The following TMEM108 variants were observed in gnomAD, a reference collection of about 807,000 sequenced individuals.
TMEM108 encodes transmembrane protein 108.
Under a neutral mutation model 35.1 loss-of-function variants are expected in TMEM108, and 12 were observed. That is an observed-to-expected ratio of 0.34 (90% CI 0.22 to 0.55). The LOEUF (loss-of-function observed/expected upper bound fraction) is 0.55. Ranked by LOEUF, TMEM108 falls within the 20% of genes least tolerant of loss-of-function variation. TMEM108 has a pLI of 0.89. For synonymous variants in TMEM108, 287 were observed against 308.6 expected (o/e 0.93, Z 0.73); for missense variants, 680 against 753.3 (o/e 0.90, Z 1.14).
intron 2 of TMEM108, among the ~76,000 whole-genome samples, chr3:133,124,236 G>A (rs553333450): frequency 7.2e-5 from 11 of 152,226 alleles, no homozygotes; most frequent in East Asian, 3.9e-4. Context: ...CAAAATAACC[G>A]AAATGAAGAA....
intron 2 of TMEM108, among the ~76,000 whole-genome samples, chr3:133,090,645 T>G (rs1186570241): frequency 6.6e-6 from 1 of 152,232 alleles, no homozygotes; most frequent in Non-Finnish European, 1.5e-5. Context: ...GGCGCATTTT[T>G]AAGAGTGGGG....
chr3:133,258,597 G>A (rs1257970148), intron 3 of TMEM108, among the ~76,000 whole-genome samples: 1 of 152,196 alleles, frequency 6.6e-6, no homozygotes, highest in Non-Finnish European at 1.5e-5. Context: ...GGGCAGAGAG[G>A]TGCATTCCCT....
chr3:133,284,241 C>T lies in TMEM108; in HGVS notation c.40+54890C>T, dbSNP rs191836735. 1.4e-4 allele frequency among the ~76,000 whole-genome samples: 21 copies of T among 152,344 alleles called. 1 individual carries two copies. Among genetic ancestry groups the T allele is most frequent in the African/African-American group, 5.0e-4 (21 of 41,588 alleles). On this transcript the variant is annotated intron_variant, in intron 3 of 5. Coordinates refer to ENST00000321871, the MANE Select transcript of TMEM108 (RefSeq NM_023943.4). The stretch of plus-strand genomic sequence containing the variant: ...TTCCAGCCATTTCTATTGCTCAGCT[C>T]TTGACACTACCTTCAGTCTCTGTCA...
At chr3:133,047,623 T>A (rs9849206) in intron 2 of TMEM108, among the ~76,000 whole-genome samples, 60,950 of 152,006 alleles carry the variant, frequency 0.4, 12,802 homozygotes, top group Admixed American at 0.5. Flanking sequence ...TCCCTCCCTG[T>A]TTGTGACAAT....
At chr3:133,242,026 C>T (rs776810925) in intron 3 of TMEM108, among the ~76,000 whole-genome samples, 1 of 152,116 alleles carries the variant, frequency 6.6e-6, no homozygotes, top group Non-Finnish European at 1.5e-5. Context: ...GGGGAGGCCA[C>T]ACTCTCTCTG....
rs141494146 is a variant in TMEM108 at position 133,380,971 on chromosome 3, A to G, written c.1260A>G (p.Thr420=). The stretch of plus-strand genomic sequence containing the variant: ...ACCGGGTGCCCAGTCCTCTCTCCAC[A>G]GTGGTATCCACAGCCACAGGCAATT... ...MTDRVPSPLS[T]VVSTATGNFL... Residue 420 remains threonine, a synonymous_variant, in exon 4 of 6, where the codon ACA becomes ACG. Coordinates refer to ENST00000321871, the MANE Select transcript of TMEM108 (RefSeq NM_023943.4). This position sits in a 1 kb window ranked among gnomAD's most constrained non-coding sequence, Gnocchi z 5.3. 142 of 1,614,092 alleles carry G rather than the reference A, an allele frequency of 8.8e-5. No homozygotes were observed. Among genetic ancestry groups the G allele is most frequent in the Non-Finnish European group, 1.2e-4 (136 of 1,180,032 alleles).
chr3:133,385,097 A>C (rs959772500), intron 4 of TMEM108, among the ~76,000 whole-genome samples: 3 of 152,188 alleles, frequency 2.0e-5, no homozygotes, highest in African/African-American at 7.2e-5. Flanking sequence ...ACCTGAATGT[A>C]TATGTGTGCC....
At chr3:133,197,568 T>A (rs986634548) in intron 2 of TMEM108, among the ~76,000 whole-genome samples, 15 of 152,162 alleles carry the variant, frequency 9.9e-5, no homozygotes, top group Admixed American at 2.0e-4. Context: ...GGATATTAAC[T>A]CCCTGTATTT....
chr3:133,198,341 A>C (rs77040668), intron 2 of TMEM108, among the ~76,000 whole-genome samples: 2 of 151,646 alleles, frequency 1.3e-5, no homozygotes, highest in Non-Finnish European at 2.9e-5. Flanking sequence ...CTTTGGGAGA[A>C]GCTTTCTTTA....
intron 2 of TMEM108, among the ~76,000 whole-genome samples, chr3:133,222,673 A>G (rs1946009902): frequency 6.6e-6 from 1 of 151,514 alleles, no homozygotes; most frequent in South Asian, 2.1e-4. Flanking sequence ...CTTCTATTGC[A>G]TTTTTCATTT....
At chr3:133,233,604 G>A (rs1039583298) in intron 3 of TMEM108, among the ~76,000 whole-genome samples, 3 of 151,378 alleles carry the variant, frequency 2.0e-5, no homozygotes, top group African/African-American at 7.3e-5. Context: ...AGATCCCTGA[G>A]GAATTGCCAC....
intron 2 of TMEM108, among the ~76,000 whole-genome samples, chr3:133,124,028 C>T (rs1559839600): frequency 2.6e-5 from 4 of 152,190 alleles, no homozygotes; most frequent in Non-Finnish European, 4.4e-5. Context: ...ATCCTATCAG[C>T]AGAGCAAGCC....
At position 133,191,926 on chromosome 3, in the gene TMEM108, C is replaced by G. The variant is rs151022418; in HGVS notation, c.-46-37340C>G. Among the ~76,000 whole-genome samples, 420 of 152,280 alleles carry G rather than the reference C, an allele frequency of 2.8e-3. 2 individuals carry two copies. Among genetic ancestry groups the G allele is most frequent in the African/African-American group, 9.6e-3 (399 of 41,558 alleles). ...AAACCTGATTACTGATGCACCCAGA[C>G]TGCTTGAATATGTCTCTGTGGTGCT... On this transcript the variant is annotated intron_variant, in intron 2 of 5. Coordinates refer to ENST00000321871, the MANE Select transcript of TMEM108 (RefSeq NM_023943.4).
chr3:133,380,642 C>G lies in TMEM108; in HGVS notation c.931C>G (p.Gln311Glu), dbSNP rs1368362061. The change falls in exon 4 of 6, where the codon CAA becomes GAA. Residue 311 changes from glutamine (Q) to glutamate (E), a missense_variant. By Grantham distance (29) the Gln-to-Glu change is conservative (BLOSUM62 2). This residue lies in a region of TMEM108 where 526 missense variants were observed against 532.1 expected (regional missense o/e 0.99). Transcript: ENST00000321871. The surrounding 1 kb of genome is among the most constrained non-coding windows in gnomAD (Gnocchi z 5.3). ...AGCCTCAGGTGCCCCTGTCAGTCCA[C>G]AAGCTGCCCCAGTGCCTTCTCAGCG... Reference protein sequence around the residue: ...TAASGAPVSPQAAPVPSQRPH... With the variant: ...TAASGAPVSPEAAPVPSQRPH... The G allele has an allele frequency of 1.2e-6, 2 of 1,613,924 alleles. No homozygotes were observed. The highest frequency in any genetic ancestry group is 1.7e-6 in the Non-Finnish European group (2 of 1,179,936).
intron 4 of TMEM108, chr3:133,389,019 C>A: frequency 1.0e-6 from 1 of 985,680 alleles, no homozygotes; most frequent in African/African-American, 1.7e-5. Context: ...GGCTTCAGCT[C>A]TCCTCATCCC....
chr3:133,392,663 C>T (rs529044075), intron 5 of TMEM108, among the ~76,000 whole-genome samples: 2 of 152,102 alleles, frequency 1.3e-5, no homozygotes, highest in Non-Finnish European at 2.9e-5. Flanking sequence ...ACCCCAAAAC[C>T]CAAACCTCAC....
chr3:133,298,424 G>A (rs969671186), intron 3 of TMEM108, among the ~76,000 whole-genome samples: 7 of 152,030 alleles, frequency 4.6e-5, no homozygotes, highest in African/African-American at 1.7e-4. Context: ...ATACAACTAT[G>A]TTTATTTCAT....
intron 3 of TMEM108, among the ~76,000 whole-genome samples, chr3:133,290,038 C>T (rs574330482): frequency 6.6e-6 from 1 of 152,138 alleles, no homozygotes; most frequent in Non-Finnish European, 1.5e-5. Context: ...GAGTCCCTGC[C>T]CCGATGAGTC....
At chr3:133,334,728 TA>T (rs1356686941) in intron 3 of TMEM108, among the ~76,000 whole-genome samples, 2 of 152,206 alleles carry the variant, frequency 1.3e-5, no homozygotes, top group African/African-American at 4.8e-5. Context: ...ATTAAATAGT[TA>T]AATAGTTAAA....
Sources: gnomAD v4.1 joint callset for allele counts (sites outside exome capture counted in the v4.1 genomes callset) on GRCh38, gnomAD v4.1.1 for gene constraint, gnomAD v4.1.1 regional missense constraint, Gnocchi (gnomAD v3.1) non-coding constraint, MANE v1.5 for transcripts, NCBI Gene and HGNC (gene_info 2026-07-23, HGNC 2026-07-21) for gene names.